The following PARD3 variants were observed in gnomAD, a reference collection of about 807,000 sequenced individuals.
The protein encoded by PARD3 is partitioning defective 3 homolog.
Under a neutral mutation model 155.4 loss-of-function variants are expected in PARD3, and 75 were observed. The observed-to-expected ratio is 0.48, with a 90% CI of 0.40 to 0.58. The LOEUF (loss-of-function observed/expected upper bound fraction) is 0.58, where lower values mean the gene tolerates loss of function less well. PARD3 is among the 20% of genes least tolerant of loss of function. The pLI, the probability that PARD3 is intolerant of heterozygous loss-of-function variation, is 0.00. For synonymous variants in PARD3, 576 were observed against 610.5 expected (o/e 0.94, Z 0.83); for missense variants, 1,642 against 1,721.7 (o/e 0.95, Z 0.82).
chr10:34,147,644 TACTA>T (rs1438538844), intron 22 of PARD3, among the ~76,000 whole-genome samples: 2 of 151,958 alleles, frequency 1.3e-5, no homozygotes, highest in Admixed American at 6.5e-5. Flanking sequence ...TTTGATACTT[TACTA>T]ACTTTGTTTT....
At chr10:34,281,169 T>C (rs1422697491) in intron 21 of PARD3, among the ~76,000 whole-genome samples, 1 of 152,126 alleles carries the variant, frequency 6.6e-6, no homozygotes. Context: ...TGTTCTGTTT[T>C]GAGTTTGGAG....
At chr10:34,589,454 T>A (rs1227289562) in intron 2 of PARD3, among the ~76,000 whole-genome samples, 3 of 151,608 alleles carry the variant, frequency 2.0e-5, no homozygotes, top group Non-Finnish European at 4.4e-5. Context: ...GAAGAAAAAA[T>A]TTGGACACAG....
intron 12 of PARD3, among the ~76,000 whole-genome samples, chr10:34,365,759 T>G (rs1396713838): frequency 1.3e-5 from 2 of 152,148 alleles, no homozygotes; most frequent in Non-Finnish European, 2.9e-5. Flanking sequence ...GGCTAATTTT[T>G]ATGTTTTTAG....
chr10:34,403,097 C>T (rs1002887885), intron 5 of PARD3, among the ~76,000 whole-genome samples: 3 of 152,054 alleles, frequency 2.0e-5, no homozygotes, highest in African/African-American at 7.2e-5. Context: ...AAATGTTTTG[C>T]TAATTAAAGT....
At chr10:34,324,266 C>T (rs1958549508) in intron 19 of PARD3, among the ~76,000 whole-genome samples, 1 of 152,140 alleles carries the variant, frequency 6.6e-6, no homozygotes, top group Non-Finnish European at 1.5e-5. Flanking sequence ...ATGTTCTTAC[C>T]TACCATGAAA....
intron 1 of PARD3, among the ~76,000 whole-genome samples, chr10:34,789,450 C>T (rs1689376175): frequency 1.3e-5 from 2 of 152,044 alleles, no homozygotes; most frequent in Non-Finnish European, 2.9e-5. Context: ...GTAATCGAAA[C>T]ACTTTGGCTG....
chr10:34,614,130 T>A (rs1271275178), intron 2 of PARD3, among the ~76,000 whole-genome samples: 1 of 152,146 alleles, frequency 6.6e-6, no homozygotes, highest in Non-Finnish European at 1.5e-5. Flanking sequence ...ACTGTAAAAA[T>A]GTATTCCTTC....
chr10:34,645,469 G>C (rs1175862775), intron 2 of PARD3, among the ~76,000 whole-genome samples: 1 of 152,128 alleles, frequency 6.6e-6, no homozygotes, highest in South Asian at 2.1e-4. Context: ...GCCTCCCAAA[G>C]TGCTGGGATT....
At chr10:34,316,006 C>T (rs900472801) in intron 20 of PARD3, among the ~76,000 whole-genome samples, 7 of 152,186 alleles carry the variant, frequency 4.6e-5, no homozygotes, top group Non-Finnish European at 8.8e-5. Flanking sequence ...CATGGTTCCT[C>T]GACTTTCCAG....
intron 14 of PARD3, among the ~76,000 whole-genome samples, chr10:34,354,294 C>A (rs182210540): frequency 9.0e-4 from 137 of 151,778 alleles, no homozygotes; most frequent in African/African-American, 3.0e-3. Context: ...AGGAGAATGG[C>A]GTGAACCCGG....
chr10:34,654,035 AAC>A (rs1428076841), intron 2 of PARD3, among the ~76,000 whole-genome samples: 2 of 152,200 alleles, frequency 1.3e-5, no homozygotes, highest in African/African-American at 4.8e-5. Flanking sequence ...GAGGTGCATT[AAC>A]AGAAAAACTC....
intron 5 of PARD3, among the ~76,000 whole-genome samples, chr10:34,410,450 A>G (rs1844936274): frequency 6.6e-6 from 1 of 152,120 alleles, no homozygotes. Flanking sequence ...TTCACAATTC[A>G]CTCATCAAAG....
chr10:34,504,038 T>C (rs1334245018), intron 3 of PARD3, among the ~76,000 whole-genome samples: 1 of 152,166 alleles, frequency 6.6e-6, no homozygotes, highest in African/African-American at 2.4e-5. Flanking sequence ...AGCTTTACTC[T>C]GGGAAAGTGC....
At chr10:34,785,861 T>C (rs1000346083) in intron 1 of PARD3, among the ~76,000 whole-genome samples, 1 of 152,192 alleles carries the variant, frequency 6.6e-6, no homozygotes, top group Non-Finnish European at 1.5e-5. Flanking sequence ...ATACTATACA[T>C]TGCTCTTCAA....
At chr10:34,167,380 A>G (rs1056250022) in intron 22 of PARD3, among the ~76,000 whole-genome samples, 1 of 152,138 alleles carries the variant, frequency 6.6e-6, no homozygotes, top group Non-Finnish European at 1.5e-5. Flanking sequence ...CACCATACAC[A>G]ATTAGTCTGC....
intron 5 of PARD3, among the ~76,000 whole-genome samples, chr10:34,425,031 CCATTTTT>C (rs2075521316): frequency 1.3e-5 from 2 of 152,118 alleles, no homozygotes; most frequent in Non-Finnish European, 2.9e-5. Context: ...TTGCTGTGAG[CCATTTTT>C]AATGTCTCAA....
In PARD3 at chr10:34,641,434, T is replaced by C. The variant is rs376753353; in HGVS notation, c.222+54884A>G. On this transcript the variant is annotated intron_variant, in intron 2 of 24. Transcript: ENST00000374788. Reference sequence around the variant, plus strand: ...GTCCTACCTGGGCTAACGTCTGCAATGGCGGAACCTGAAAGTATTTGAGCC... The same window carrying C: ...GTCCTACCTGGGCTAACGTCTGCAACGGCGGAACCTGAAAGTATTTGAGCC... Among the ~76,000 whole-genome samples, 5 of 152,244 alleles carry C rather than the reference T, an allele frequency of 3.3e-5. No homozygotes were observed. The South Asian group carries it at 8.3e-4, about 25-fold the overall frequency.
At chr10:34,710,990 A>G (rs1185561515) in intron 1 of PARD3, among the ~76,000 whole-genome samples, 1 of 152,174 alleles carries the variant, frequency 6.6e-6, no homozygotes, top group African/African-American at 2.4e-5. Context: ...AGCCTGGTCA[A>G]CATAGCAAGA....
chr10:34,299,565 A>C (rs1957057551), intron 20 of PARD3, among the ~76,000 whole-genome samples: 1 of 152,224 alleles, frequency 6.6e-6, no homozygotes, highest in Admixed American at 6.5e-5. Context: ...TGACTCAGAG[A>C]ATGTCTGTCT....
Sources: gnomAD v4.1 joint callset for allele counts (sites outside exome capture counted in the v4.1 genomes callset) on GRCh38, gnomAD v4.1.1 for gene constraint, MANE v1.5 for transcripts, NCBI Gene and HGNC (gene_info 2026-07-23, HGNC 2026-07-21) for gene names.